TMPO: variants seen among roughly 807,000 people sequenced by gnomAD.
The protein encoded by TMPO is thymopoietin.
In TMPO, 22 loss-of-function variants were observed where a neutral mutation model predicts 45.4. That is an observed-to-expected ratio of 0.48 (90% CI 0.35 to 0.69). The LOEUF (loss-of-function observed/expected upper bound fraction) is 0.69. TMPO is among the 30% of genes least tolerant of loss of function. The pLI is 0.01. For missense variants in TMPO, 512 were observed against 548.8 expected (o/e 0.93, Z 0.67); for synonymous variants, 241 against 204.1 (o/e 1.18, Z -1.54).
chr12:98,518,905 C>G (rs560745465), intron 1 of TMPO, among the ~76,000 whole-genome samples: 1 of 149,804 alleles, frequency 6.7e-6, no homozygotes, highest in Non-Finnish European at 1.5e-5. Flanking sequence ...TTTTTTGAGA[C>G]GAGTCTTGCT....
intron 4 of TMPO, among the ~76,000 whole-genome samples, chr12:98,543,331 G>A (rs1012754405): frequency 2.0e-5 from 3 of 152,182 alleles, no homozygotes; most frequent in African/African-American, 4.8e-5. Flanking sequence ...TGGTAATAGC[G>A]ACTTCAAAAC....
intron 3 of TMPO, chr12:98,535,584 T>G: frequency 2.0e-6 from 2 of 985,324 alleles, no homozygotes; most frequent in Non-Finnish European, 2.4e-6. Context: ...AAAAATGTAT[T>G]ACTGTAGAAT....
At chr12:98,517,721 A>G (rs899746698) in intron 1 of TMPO, among the ~76,000 whole-genome samples, 3 of 152,260 alleles carry the variant, frequency 2.0e-5, no homozygotes, top group African/African-American at 4.8e-5. Context: ...TAAAAGACCA[A>G]TCACACCTTA....
At chr12:98,523,558 C>T (rs1876542968) in intron 1 of TMPO, among the ~76,000 whole-genome samples, 1 of 151,694 alleles carries the variant, frequency 6.6e-6, no homozygotes, top group Admixed American at 6.6e-5. Flanking sequence ...AAAAAAATCA[C>T]GTTTTTGGTT....
chr12:98,537,568 A>G lies in TMPO; in HGVS notation c.659A>G (p.Asn220Ser), dbSNP rs1877647606. 3 of 1,611,250 alleles carry G rather than the reference A, an allele frequency of 1.9e-6. No individual in the cohort carries two copies. The highest frequency in any genetic ancestry group is 2.5e-6 in the Non-Finnish European group (3 of 1,178,018). The stretch of plus-strand genomic sequence containing the variant: ...CTCAAGCAAAGAAGAGTTGAGCACA[A>G]TCAGGTATCTTTAGTTTTATTACCA... ...VTLKQRRVEH[N>S]QSYSQAGITE... Residue 220 changes from asparagine to serine, a missense_variant, in exon 4 of 9, where the codon AAT (asparagine) becomes AGT (serine). Asn to Ser is a conservative substitution (Grantham distance 46). This residue lies in a region of TMPO where 299 missense variants were observed against 296.7 expected (regional missense o/e 1.01). Transcript: ENST00000556029.
chr12:98,526,120 C>G (rs544152605), intron 1 of TMPO, among the ~76,000 whole-genome samples: 1 of 152,114 alleles, frequency 6.6e-6, no homozygotes, highest in Non-Finnish European at 1.5e-5. Context: ...TTAAAACTTT[C>G]AAATTTTCCC....
rs1259185288 is a variant in TMPO at position 98,534,527 on chromosome 12, C to T, written c.565+2689C>T. Reference sequence around the variant, plus strand: ...ACTACTTGTCTTTTCTAAAGATTTGCGTAGATAGGAAGCCTGGTACAAACA... The same window carrying T: ...ACTACTTGTCTTTTCTAAAGATTTGTGTAGATAGGAAGCCTGGTACAAACA... On this transcript the variant is annotated intron_variant, in intron 3 of 8. Coordinates refer to ENST00000556029, the MANE Select transcript of TMPO (RefSeq NM_001032283.3). 34 of 1,400,756 alleles carry T rather than the reference C, an allele frequency of 2.4e-5. 1 individual carries two copies. The East Asian group carries it at 5.5e-4, about 23-fold the overall frequency. The allele number at this position is 1,400,756 out of a possible 1,614,324, so 86.8% of individuals were successfully genotyped here. A position where few individuals can be genotyped will look rare whatever the true frequency, so the allele number is the denominator to read the frequency against.
In TMPO at chr12:98,533,309, C is replaced by T. The variant is rs779303657; in HGVS notation, c.565+1471C>T. The T allele has an allele frequency of 1.6e-5, 26 of 1,613,926 alleles. No individual in the cohort carries two copies. The highest frequency in any genetic ancestry group is 7.7e-5 in the South Asian group (7 of 91,074). On this transcript the variant is annotated intron_variant, in intron 3 of 8. Coordinates refer to ENST00000556029, the MANE Select transcript of TMPO (RefSeq NM_001032283.3). ...GAGAGGTCCCATATTTCAGATCAAT[C>T]GCCTCTCTCCAGTAAAAGGAAAGCA...
chr12:98,540,038 T>C (rs530641146), intron 4 of TMPO, among the ~76,000 whole-genome samples: 8 of 152,320 alleles, frequency 5.3e-5, no homozygotes, highest in African/African-American at 1.9e-4. Context: ...GATCCACATA[T>C]CCGGTTTGAT....
intron 1 of TMPO, among the ~76,000 whole-genome samples, chr12:98,523,633 T>C (rs1876547663): frequency 6.6e-6 from 1 of 152,162 alleles, no homozygotes; most frequent in Non-Finnish European, 1.5e-5. Context: ...TTTGTTCAGC[T>C]GATGTTTTTC....
intron 3 of TMPO, chr12:98,534,096 A>G: frequency 6.2e-7 from 1 of 1,612,712 alleles, no homozygotes; most frequent in South Asian, 1.1e-5. Flanking sequence ...GTACCCACCA[A>G]GCGCTTGGGA....
At chr12:98,531,053 C>A (rs1877154934) in intron 2 of TMPO, among the ~76,000 whole-genome samples, 2 of 152,284 alleles carry the variant, frequency 1.3e-5, no homozygotes, top group African/African-American at 4.8e-5. Flanking sequence ...GTTCTCCTGC[C>A]TCAGCTTCCT....
At position 98,546,411 on chromosome 12, in the gene TMPO, T is replaced by C; in HGVS notation, c.1043T>C (p.Met348Thr). Reference protein sequence around the residue: ...RRVERDILKEMFPYEASTPTG... With the variant: ...RRVERDILKETFPYEASTPTG... ...GTAGAAAGGGATATTCTTAAGGAAA[T>C]GTTCCCCTATGAAGCATCTACACCA... The change falls in exon 8 of 9, where the codon ATG (methionine) becomes ACG (threonine). Residue 348 changes from methionine (M) to threonine (T), a missense_variant. Met to Thr is a moderately conservative substitution (Grantham distance 81, BLOSUM62 -1). Coordinates refer to ENST00000556029, the MANE Select transcript of TMPO (RefSeq NM_001032283.3). 1 of 1,612,524 alleles carries C rather than the reference T, an allele frequency of 6.2e-7. No homozygotes were observed. Among genetic ancestry groups the C allele is most frequent in the African/African-American group, 1.3e-5 (1 of 75,004 alleles).
intron 1 of TMPO, among the ~76,000 whole-genome samples, chr12:98,526,831 A>G (rs1450129814): frequency 1.3e-5 from 2 of 151,914 alleles, no homozygotes; most frequent in Non-Finnish European, 2.9e-5. Flanking sequence ...GGTGGCGCAC[A>G]CCTGTACTCT....
At chr12:98,541,331 T>C (rs1404737349) in intron 4 of TMPO, among the ~76,000 whole-genome samples, 3 of 152,222 alleles carry the variant, frequency 2.0e-5, no homozygotes, top group Non-Finnish European at 4.4e-5. Flanking sequence ...TAGGTAGTGC[T>C]AGGTAAATCA....
chr12:98,527,942 A>G lies in TMPO; in HGVS notation c.336A>G (p.Val112=). The G allele has an allele frequency of 6.2e-7, 1 of 1,613,966 alleles. No individual in the cohort carries two copies. Among genetic ancestry groups the G allele is most frequent in the Non-Finnish European group, 8.5e-7 (1 of 1,179,898 alleles). ...PRQEDKDDLD[V]TELTNEDLLD... is the part of the protein sequence containing the mutation. Reference sequence around the variant, plus strand: ...AAGAAGATAAAGATGATCTAGATGTAACAGAGCTCACTAATGAAGATCTTT... The same window carrying G: ...AAGAAGATAAAGATGATCTAGATGTGACAGAGCTCACTAATGAAGATCTTT... Residue 112 remains valine, a synonymous_variant, in exon 2 of 9, where the codon GTA becomes GTG. Transcript: ENST00000556029.
rs747176505 is a variant in TMPO at position 98,515,837 on chromosome 12, C to T, written c.-31C>T. The T allele has an allele frequency of 6.3e-7, 1 of 1,598,060 alleles. No individual in the cohort carries two copies. The highest frequency in any genetic ancestry group is 1.1e-5 in the South Asian group (1 of 89,204). On this transcript the variant is annotated 5_prime_UTR_variant, in exon 1 of 9. Transcript: ENST00000556029. ...CCGGCGTGAGCGGCGGCGGCAAAGG[C>T]TGTGGGGAGGGGGCTTCGCAGATCC...
intron 2 of TMPO, among the ~76,000 whole-genome samples, chr12:98,529,839 A>G (rs184801240): frequency 1.3e-5 from 2 of 152,280 alleles, no homozygotes; most frequent in Admixed American, 6.5e-5. Flanking sequence ...GATTACAGGC[A>G]TGAGTCACTG....
At chr12:98,540,785 C>A (rs963473049) in intron 4 of TMPO, among the ~76,000 whole-genome samples, 3 of 152,202 alleles carry the variant, frequency 2.0e-5, no homozygotes, top group Non-Finnish European at 4.4e-5. Flanking sequence ...GATCCATGTC[C>A]AGTTTCTTTC....
Sources: gnomAD v4.1 joint callset for allele counts (sites outside exome capture counted in the v4.1 genomes callset) on GRCh38, gnomAD v4.1.1 for gene constraint, gnomAD v4.1.1 regional missense constraint, MANE v1.5 for transcripts, NCBI Gene and HGNC (gene_info 2026-07-23, HGNC 2026-07-21) for gene names.